Variants in KCNN2 observed in about 807,000 individuals in gnomAD.
KCNN2 encodes the protein potassium calcium-activated channel subfamily N member 2.
Under a neutral mutation model 55.5 loss-of-function variants are expected in KCNN2, and 24 were observed. That is an observed-to-expected ratio of 0.43 (90% confidence interval 0.31 to 0.61). The LOEUF is 0.61. KCNN2 is among the 20% of genes least tolerant of loss of function. The pLI is 0.08. For missense variants in KCNN2, 754 were observed against 853.6 expected (o/e 0.88, Z 1.45); for synonymous variants, 431 against 336.1 (o/e 1.28, Z -3.09).
At chr5:114,241,462 G>C (rs779348673) in intron 2 of KCNN2, among the ~76,000 whole-genome samples, 54 of 151,260 alleles carry the variant, frequency 3.6e-4, no homozygotes, top group Non-Finnish European at 7.2e-4. Flanking sequence ...TAAATGGACT[G>C]GTGAAAACTA....
chr5:114,071,307 A>T (rs954433197), intron 1 of KCNN2, among the ~76,000 whole-genome samples: 1 of 152,208 alleles, frequency 6.6e-6, no homozygotes, highest in African/African-American at 2.4e-5. Flanking sequence ...GCCCCATCAC[A>T]GCTGCCTCAG....
At chr5:114,108,700 T>C (rs1751536510) in intron 1 of KCNN2, among the ~76,000 whole-genome samples, 1 of 152,142 alleles carries the variant, frequency 6.6e-6, no homozygotes, top group African/African-American at 2.4e-5. Context: ...GTATCAGTAG[T>C]TTCTTGTCTT....
chr5:114,462,267 A>G (rs1761239936), intron 3 of KCNN2, among the ~76,000 whole-genome samples: 1 of 152,230 alleles, frequency 6.6e-6, no homozygotes, highest in Non-Finnish European at 1.5e-5. Context: ...TGTTTCTGAT[A>G]TAAAAGCTTT....
At chr5:114,290,819 T>C (rs909917070) in intron 2 of KCNN2, among the ~76,000 whole-genome samples, 3 of 152,142 alleles carry the variant, frequency 2.0e-5, no homozygotes, top group Non-Finnish European at 4.4e-5. Context: ...TATCTTCTAA[T>C]CCTCCTTGTG....
intron 1 of KCNN2, among the ~76,000 whole-genome samples, chr5:114,062,011 T>G (rs1250233604): frequency 6.6e-6 from 1 of 152,200 alleles, no homozygotes; most frequent in Non-Finnish European, 1.5e-5. Context: ...CTGTAATTGG[T>G]CATTTATCAA....
chr5:114,285,240 T>A (rs774734655), intron 2 of KCNN2, among the ~76,000 whole-genome samples: 1 of 128,614 alleles, frequency 7.8e-6, no homozygotes, highest in Non-Finnish European at 1.5e-5. Context: ...GCTGAGATCA[T>A]GCCACTGCAC....
intron 1 of KCNN2, among the ~76,000 whole-genome samples, chr5:114,173,484 T>C (rs1315746453): frequency 1.6e-5 from 2 of 124,968 alleles, no homozygotes; most frequent in Non-Finnish European, 3.5e-5. Context: ...GTGTGTGTGA[T>C]TCCCCATACA....
chr5:114,373,721 T>TAATA (rs1200102976), intron 2 of KCNN2, among the ~76,000 whole-genome samples: 14 of 141,524 alleles, frequency 9.9e-5, no homozygotes, highest in African/African-American at 3.3e-4. Context: ...TCTTGGTTAT[T>TAATA]GTTCACTATT....
At chr5:114,100,148 A>T (rs1751344442) in intron 1 of KCNN2, among the ~76,000 whole-genome samples, 1 of 152,054 alleles carries the variant, frequency 6.6e-6, no homozygotes, top group Non-Finnish European at 1.5e-5. Context: ...TTTTATTTTG[A>T]GCCATATTAA....
chr5:114,104,398 A>G (rs1482646502), intron 1 of KCNN2, among the ~76,000 whole-genome samples: 4 of 152,010 alleles, frequency 2.6e-5, no homozygotes, highest in Non-Finnish European at 5.9e-5. Context: ...CATTTTTTGA[A>G]GGGTCTTTCA....
At chr5:114,210,487 C>T (rs1024597121) in intron 1 of KCNN2, among the ~76,000 whole-genome samples, 2 of 152,092 alleles carry the variant, frequency 1.3e-5, no homozygotes, top group Admixed American at 6.6e-5. Context: ...TGAGAATTCA[C>T]TGTGTATACA....
chr5:114,339,977 C>T (rs1224880443), intron 2 of KCNN2, among the ~76,000 whole-genome samples: 1 of 152,084 alleles, frequency 6.6e-6, no homozygotes, highest in African/African-American at 2.4e-5. Context: ...CTCATCCTGC[C>T]ACATATAGCA....
chr5:114,365,559 G>A (rs62381465), intron 2 of KCNN2, among the ~76,000 whole-genome samples: 9,796 of 152,224 alleles, frequency 0.064, 423 homozygotes, highest in Non-Finnish European at 0.095. Context: ...GAGGTAGCTT[G>A]CCGGGCCACA....
At chr5:114,105,957 ATT>A (rs1366012526) in intron 1 of KCNN2, among the ~76,000 whole-genome samples, 1 of 151,836 alleles carries the variant, frequency 6.6e-6, no homozygotes, top group African/African-American at 2.4e-5. Flanking sequence ...CAGTTTTCTA[ATT>A]TGTTATAGTC....
chr5:114,335,257 C>T (rs1756900418), intron 2 of KCNN2, among the ~76,000 whole-genome samples: 2 of 152,104 alleles, frequency 1.3e-5, no homozygotes, highest in African/African-American at 2.4e-5. Context: ...ATTTCCTCCC[C>T]TTCAGCTGTC....
intron 1 of KCNN2, among the ~76,000 whole-genome samples, chr5:114,128,708 C>T (rs1751988483): frequency 1.3e-5 from 2 of 152,130 alleles, no homozygotes; most frequent in Admixed American, 6.5e-5. Context: ...CTCACAGGAT[C>T]ATTAACACTA....
At chr5:114,309,196 G>A (rs541556023) in intron 2 of KCNN2, among the ~76,000 whole-genome samples, 1 of 152,264 alleles carries the variant, frequency 6.6e-6, no homozygotes, top group Admixed American at 6.5e-5. Flanking sequence ...CCTTTTAAAT[G>A]CTTCATATGG....
At chr5:114,399,354 A>G (rs1758714320) in intron 2 of KCNN2, among the ~76,000 whole-genome samples, 1 of 152,132 alleles carries the variant, frequency 6.6e-6, no homozygotes, top group African/African-American at 2.4e-5. Flanking sequence ...TATTGAGATG[A>G]TCATGTGATT....
Position 114,241,821 on chromosome 5 carries a change from T to C in KCNN2, c.-185+20256T>C. On this transcript the variant is annotated intron_variant, in intron 2 of 10. Transcript: ENST00000512097. ...ATATATATACGTATATATATATATGTGTGTATATATATATATATATATATG... is the reference window on the plus strand; with the variant it reads ...ATATATATACGTATATATATATATGCGTGTATATATATATATATATATATG... 4.2e-4 allele frequency among the ~76,000 whole-genome samples: 5 copies of C among 12,024 alleles called. 1 individual carries two copies. The highest frequency in any genetic ancestry group is 8.0e-4 in the African/African-American group (5 of 6,238). The allele number at this position is 12,024 out of a possible 152,430, so 7.9% of individuals were successfully genotyped here.
Sources: gnomAD v4.1 joint callset for allele counts (sites outside exome capture counted in the v4.1 genomes callset) on GRCh38, gnomAD v4.1.1 for gene constraint, MANE v1.5 for transcripts, NCBI Gene and HGNC (gene_info 2026-07-23, HGNC 2026-07-21) for gene names.